The following PLCB1 variants were observed in gnomAD, a reference collection of about 807,000 sequenced individuals.
PLCB1 encodes phospholipase C beta 1, also known as 1-phosphatidylinositol 4,5-bisphosphate phosphodiesterase beta-1.
PLCB1 carries 46 observed loss-of-function variants against 161.8 expected under a neutral mutation model. That is an observed-to-expected ratio of 0.28 (90% CI 0.22 to 0.36). The LOEUF (loss-of-function observed/expected upper bound fraction) is 0.36. Ranked by LOEUF, PLCB1 falls within the 10% of genes least tolerant of loss-of-function variation. The probability of loss-of-function intolerance (pLI) is 1.00; values close to 1 mark genes in which losing one functional copy is unlikely to be tolerated. For missense variants in PLCB1, 1,016 were observed against 1,472.5 expected (o/e 0.69, Z 5.07); for synonymous variants, 517 against 503.7 (o/e 1.03, Z -0.35).
chr20:8,137,963 T>C (rs982205566), intron 1 of PLCB1, among the ~76,000 whole-genome samples: 6 of 152,224 alleles, frequency 3.9e-5, no homozygotes, highest in African/African-American at 9.6e-5. Flanking sequence ...TGGCCATTGA[T>C]TGGGTTCTTG....
At chr20:8,279,638 T>C (rs909154662) in intron 2 of PLCB1, among the ~76,000 whole-genome samples, 15 of 152,156 alleles carry the variant, frequency 9.9e-5, no homozygotes, top group African/African-American at 3.6e-4. Context: ...AAAAAACAAA[T>C]TATAGTATGT....
intron 31 of PLCB1, among the ~76,000 whole-genome samples, chr20:8,819,487 A>T (rs1985233919): frequency 6.6e-6 from 1 of 152,216 alleles, no homozygotes; most frequent in African/African-American, 2.4e-5. Context: ...AAAAGAACAA[A>T]ATTTAACAGA....
At chr20:8,221,964 G>C (rs1979438498) in intron 2 of PLCB1, among the ~76,000 whole-genome samples, 1 of 152,072 alleles carries the variant, frequency 6.6e-6, no homozygotes, top group Non-Finnish European at 1.5e-5. Context: ...TTTAGTAAAT[G>C]TTTTCAAAAC....
intron 16 of PLCB1, among the ~76,000 whole-genome samples, chr20:8,725,641 T>C (rs180946550): frequency 6.6e-6 from 1 of 152,292 alleles, no homozygotes. Flanking sequence ...TTTCTCAACA[T>C]TGAATTCGAT....
At chr20:8,244,284 G>C (rs1980764979) in intron 2 of PLCB1, among the ~76,000 whole-genome samples, 1 of 151,794 alleles carries the variant, frequency 6.6e-6, no homozygotes, top group Non-Finnish European at 1.5e-5. Context: ...ATGGTTACAA[G>C]AATAATCATA....
chr20:8,620,935 A>C (rs2123197048), intron 3 of PLCB1, among the ~76,000 whole-genome samples: 1 of 152,180 alleles, frequency 6.6e-6, no homozygotes, highest in Non-Finnish European at 1.5e-5. Flanking sequence ...TTATGCTCTG[A>C]GGTTTTAGAA....
intron 2 of PLCB1, among the ~76,000 whole-genome samples, chr20:8,206,503 A>G (rs1311352307): frequency 2.6e-5 from 4 of 152,162 alleles, no homozygotes; most frequent in Admixed American, 2.6e-4. Context: ...TCTGACTTGG[A>G]AATTAATAGT....
chr20:8,832,460 G>A (rs1290859311), intron 31 of PLCB1, among the ~76,000 whole-genome samples: 1 of 152,196 alleles, frequency 6.6e-6, no homozygotes, highest in Non-Finnish European at 1.5e-5. Context: ...ATAGAGACTA[G>A]CATCAGGAAA....
intron 2 of PLCB1, among the ~76,000 whole-genome samples, chr20:8,262,417 T>A (rs565032031): frequency 2.6e-5 from 4 of 151,976 alleles, no homozygotes; most frequent in African/African-American, 4.8e-5. Context: ...CACAAGGAAA[T>A]ACCCAAATAT....
chr20:8,194,808 G>T (rs567730237), intron 2 of PLCB1, among the ~76,000 whole-genome samples: 1 of 152,092 alleles, frequency 6.6e-6, no homozygotes, highest in East Asian at 1.9e-4. Context: ...TTGTCTCATT[G>T]CTGGAAGCCT....
At chr20:8,170,004 G>A (rs2051717470) in intron 2 of PLCB1, among the ~76,000 whole-genome samples, 1 of 152,098 alleles carries the variant, frequency 6.6e-6, no homozygotes, top group Non-Finnish European at 1.5e-5. Context: ...TGGCATTAGG[G>A]TCTCAGTCAA....
At chr20:8,762,615 G>C (rs146693540) in intron 25 of PLCB1, among the ~76,000 whole-genome samples, 48 of 152,224 alleles carry the variant, frequency 3.2e-4, no homozygotes, top group African/African-American at 9.6e-4. Context: ...AATTCCTTGG[G>C]ATTATAAATT....
intron 2 of PLCB1, among the ~76,000 whole-genome samples, chr20:8,216,113 T>G (rs1448868131): frequency 6.6e-6 from 1 of 152,116 alleles, no homozygotes; most frequent in Admixed American, 6.6e-5. Flanking sequence ...CATGGGGACA[T>G]GAGTTCAGAA....
chr20:8,804,071 G>A (rs553477712), intron 31 of PLCB1, among the ~76,000 whole-genome samples: 4 of 152,064 alleles, frequency 2.6e-5, no homozygotes, highest in African/African-American at 9.6e-5. Context: ...GGGATTACAC[G>A]TGTGAGCCAC....
Position 8,758,244 on chromosome 20 carries a change from C to A in PLCB1, c.2656+1066C>A, listed in dbSNP as rs201717905. 5.2e-3 allele frequency among the ~76,000 whole-genome samples: 739 copies of A among 142,910 alleles called. 4 individuals are homozygous for A. The highest frequency in any genetic ancestry group is 8.1e-3 in the Non-Finnish European group (523 of 64,664). The allele number at this position is 142,910 out of a possible 152,430, so 93.8% of individuals were successfully genotyped here. A position where few individuals can be genotyped will look rare whatever the true frequency, so the allele number is the denominator to read the frequency against. On this transcript the variant is annotated intron_variant, in intron 24 of 31. Transcript: ENST00000338037. Reference sequence around the variant, plus strand: ...AGAAAGAGAATTAAAAAAAAAAAAACCAATTATATTTAATTTGTATCAGAC... The same window carrying A: ...AGAAAGAGAATTAAAAAAAAAAAAAACAATTATATTTAATTTGTATCAGAC...
chr20:8,492,848 A>G (rs569081900), intron 3 of PLCB1, among the ~76,000 whole-genome samples: 201 of 145,146 alleles, frequency 1.4e-3, no homozygotes, highest in Middle Eastern at 7.6e-3. Context: ...ATATATATAT[A>G]TGTGTGTGTG....
intron 23 of PLCB1, among the ~76,000 whole-genome samples, chr20:8,744,376 C>T (rs546137161): frequency 2.7e-4 from 41 of 152,210 alleles, no homozygotes; most frequent in African/African-American, 9.6e-4. Context: ...CATTTCAACA[C>T]TACCATATTT....
intron 13 of PLCB1, among the ~76,000 whole-genome samples, 167 bp from the exon 14 acceptor site, chr20:8,717,504 A>T (rs1485627228): frequency 6.6e-6 from 1 of 151,792 alleles, no homozygotes; most frequent in African/African-American, 2.4e-5. Flanking sequence ...TCTTTGATAT[A>T]AAAAAAAATT....
rs1276378282 is a variant in PLCB1 at position 8,325,385 on chromosome 20, A to AATTTAAAAT, written c.178-45992_178-45984dup. On this transcript the variant is annotated intron_variant, in intron 2 of 31. Coordinates refer to ENST00000338037, the MANE Select transcript of PLCB1 (RefSeq NM_015192.4). Reference sequence around the variant, plus strand: ...GCGTTTTAGTTATGTTTCACTGGAAAATTTAAAATATTTTAATAAGCAACA... The same window carrying AATTTAAAAT: ...GCGTTTTAGTTATGTTTCACTGGAAAATTTAAAATATTTAAAATATTTTAATAAGCAACA... 3.3e-5 allele frequency among the ~76,000 whole-genome samples: 5 copies of AATTTAAAAT among 152,126 alleles called. No homozygotes were observed. The East Asian group carries it at 9.6e-4, about 29-fold the overall frequency.
Sources: gnomAD v4.1 joint callset for allele counts (sites outside exome capture counted in the v4.1 genomes callset) on GRCh38, gnomAD v4.1.1 for gene constraint, MANE v1.5 for transcripts, NCBI Gene and HGNC (gene_info 2026-07-23, HGNC 2026-07-21) for gene names.